RAD51B: variants seen among roughly 807,000 people sequenced by gnomAD.
RAD51B encodes the protein DNA repair protein RAD51 homolog 2.
RAD51B carries 38 observed loss-of-function variants against 42.2 expected under a neutral mutation model. The observed-to-expected ratio is 0.90, with a 90% CI of 0.70 to 1.18. RAD51B has a LOEUF of 1.18. Ranked by LOEUF, RAD51B falls within the 50% of genes most tolerant of loss-of-function variation. The pLI is 0.00. For synonymous variants in RAD51B, 154 were observed against 145.2 expected (o/e 1.06, Z -0.43); for missense variants, 373 against 400.7 (o/e 0.93, Z 0.59).
At chr14:68,617,549 T>G (rs531496059) in intron 10 of RAD51B, among the ~76,000 whole-genome samples, 1 of 152,288 alleles carries the variant, frequency 6.6e-6, no homozygotes, top group East Asian at 1.9e-4. Flanking sequence ...TTTTACATGG[T>G]CCCCTCTTTT....
intron 10 of RAD51B, among the ~76,000 whole-genome samples, chr14:68,472,455 A>G (rs1011873509): frequency 1.3e-5 from 2 of 152,194 alleles, no homozygotes; most frequent in Admixed American, 6.5e-5. Context: ...TTGGTGAAAC[A>G]GAACCTAAGG....
intron 10 of RAD51B, among the ~76,000 whole-genome samples, chr14:68,584,693 A>G (rs975677882): frequency 6.6e-6 from 1 of 152,212 alleles, no homozygotes; most frequent in Non-Finnish European, 1.5e-5. Context: ...GGTTCCCAAC[A>G]CTTCCATCGA....
At chr14:68,179,225 A>G (rs983984917) in intron 7 of RAD51B, among the ~76,000 whole-genome samples, 2 of 152,136 alleles carry the variant, frequency 1.3e-5, no homozygotes, top group Admixed American at 6.5e-5. Context: ...TATGCGGCAG[A>G]TGTTTCTCAT....
At chr14:68,481,976 A>G (rs922315196), downstream of RAD51B, among the ~76,000 whole-genome samples, 1 of 152,202 alleles carries the variant, frequency 6.6e-6, no homozygotes, top group Non-Finnish European at 1.5e-5. Flanking sequence ...GGAGCAGAAG[A>G]CATGCACAGG....
intron 7 of RAD51B, among the ~76,000 whole-genome samples, chr14:68,195,116 A>G (rs560208075): frequency 1.3e-5 from 2 of 152,296 alleles, no homozygotes; most frequent in East Asian, 3.9e-4. Flanking sequence ...AGGGGGAAAA[A>G]GTTTCTACTA....
intron 3 of RAD51B, among the ~76,000 whole-genome samples, chr14:67,833,344 C>G (rs960679558): frequency 3.9e-5 from 6 of 152,094 alleles, no homozygotes; most frequent in Non-Finnish European, 8.8e-5. Context: ...TCACTGCACT[C>G]CAGCCTGGGT....
At chr14:67,851,160 G>A (rs1172442523) in intron 4 of RAD51B, among the ~76,000 whole-genome samples, 2 of 152,096 alleles carry the variant, frequency 1.3e-5, no homozygotes, top group East Asian at 3.9e-4. Flanking sequence ...CAGGCAATGG[G>A]AGATGTGGTA....
chr14:68,304,590 G>T (rs1316622552), intron 8 of RAD51B, among the ~76,000 whole-genome samples: 2 of 152,220 alleles, frequency 1.3e-5, no homozygotes, highest in African/African-American at 2.4e-5. Context: ...AAATCTCTAT[G>T]CTGATAGTCA....
chr14:68,493,334 T>C (rs1407805182), intron 10 of RAD51B, among the ~76,000 whole-genome samples: 1 of 152,126 alleles, frequency 6.6e-6, no homozygotes, highest in Admixed American at 6.5e-5. Context: ...TCATCAAGTC[T>C]CTCCTTTTAA....
intron 7 of RAD51B, among the ~76,000 whole-genome samples, chr14:67,922,924 C>A (rs770956208): frequency 6.7e-4 from 102 of 152,322 alleles, no homozygotes; most frequent in Non-Finnish European, 1.4e-3. Flanking sequence ...CTCCTGACCT[C>A]AGGTGATCCA....
At chr14:68,124,616 G>A (rs2077717273) in intron 7 of RAD51B, among the ~76,000 whole-genome samples, 1 of 152,064 alleles carries the variant, frequency 6.6e-6, no homozygotes, top group Non-Finnish European at 1.5e-5. Context: ...AAGAAGACAG[G>A]TTTTCTTATT....
At chr14:68,126,018 A>T (rs1296802495) in intron 7 of RAD51B, among the ~76,000 whole-genome samples, 2 of 152,228 alleles carry the variant, frequency 1.3e-5, no homozygotes, top group Admixed American at 6.5e-5. Context: ...ATCAACACTT[A>T]TGTTAGATGG....
chr14:68,159,170 G>C (rs1489460985), intron 7 of RAD51B, among the ~76,000 whole-genome samples: 1 of 151,888 alleles, frequency 6.6e-6, no homozygotes, highest in Non-Finnish European at 1.5e-5. Context: ...TCAGCCATGA[G>C]TTGACAATTA....
chr14:67,865,780 C>T lies in RAD51B; in HGVS notation c.452+641C>T, dbSNP rs1361682389. 2.7e-5 allele frequency among the ~76,000 whole-genome samples: 4 copies of T among 145,650 alleles called. No individual in the cohort carries two copies. The East Asian group carries it at 6.2e-4, about 23-fold the overall frequency. The stretch of plus-strand genomic sequence containing the variant: ...CTCTTGAACTCCTGACCTTGTGATC[C>T]GCCTGCCTTGGCCTCCCAAAGTGCC... On this transcript the variant is annotated intron_variant, in intron 5 of 10. Coordinates refer to ENST00000471583, the MANE Select transcript of RAD51B (RefSeq NM_133510.4).
chr14:68,356,415 A>G (rs898733232), intron 8 of RAD51B, among the ~76,000 whole-genome samples: 8 of 138,902 alleles, frequency 5.8e-5, no homozygotes, highest in African/African-American at 2.2e-4. Context: ...AACCTGGGCG[A>G]CAGAGCGAGA....
intron 8 of RAD51B, among the ~76,000 whole-genome samples, chr14:68,300,280 A>G (rs966675943): frequency 9.2e-5 from 14 of 151,980 alleles, no homozygotes; most frequent in African/African-American, 2.7e-4. Flanking sequence ...CATTGCCCTC[A>G]CTGTAGCCTT....
At chr14:67,899,090 T>C (rs1009305239) in intron 7 of RAD51B, among the ~76,000 whole-genome samples, 6 of 152,164 alleles carry the variant, frequency 3.9e-5, no homozygotes, top group Non-Finnish European at 5.9e-5. Flanking sequence ...TTGCCCAGGC[T>C]GGAGTGCAGT....
intron 10 of RAD51B, among the ~76,000 whole-genome samples, chr14:68,634,685 G>T (rs905870155): frequency 3.3e-5 from 5 of 152,174 alleles, no homozygotes; most frequent in Admixed American, 1.3e-4. Context: ...CAGTAATGGG[G>T]TGGGGGTGAG....
At chr14:68,398,821 T>C (rs2084002012) in intron 8 of RAD51B, among the ~76,000 whole-genome samples, 2 of 152,162 alleles carry the variant, frequency 1.3e-5, no homozygotes, top group African/African-American at 4.8e-5. Context: ...AATGCATGCA[T>C]GATGGTACAT....
Sources: gnomAD v4.1 joint callset for allele counts (sites outside exome capture counted in the v4.1 genomes callset) on GRCh38, gnomAD v4.1.1 for gene constraint, MANE v1.5 for transcripts, NCBI Gene and HGNC (gene_info 2026-07-23, HGNC 2026-07-21) for gene names.